The following AR variants were observed in gnomAD, a reference collection of about 807,000 sequenced individuals.
The protein encoded by AR is dihydrotestosterone receptor.
A neutral mutation model predicts 53.9 loss-of-function variants in AR; 8 were observed. The observed-to-expected ratio is 0.15, with a 90% confidence interval of 0.09 to 0.27. AR has a LOEUF of 0.27. AR is among the 10% of genes least tolerant of loss of function. AR has a pLI of 1.00. For missense variants in AR, 639 were observed against 742.5 expected (o/e 0.86, Z 1.62); for synonymous variants, 359 against 316.4 (o/e 1.13, Z -1.43).
At chrX:67,603,923 T>A (rs1279268995) in intron 1 of AR, among the ~76,000 whole-genome samples, 1 of 110,695 alleles carries the variant, frequency 9.0e-6, no homozygotes, top group Non-Finnish European at 1.9e-5. Flanking sequence ...AGAGATAAAA[T>A]TGGCATGGCA....
At chrX:67,595,645 A>C (rs185091610) in intron 1 of AR, among the ~76,000 whole-genome samples, 1,222 of 31,127 alleles carry the variant, frequency 0.039, 18 homozygotes, top group African/African-American at 0.089. Context: ...TCTTTCCAAA[A>C]ATATACAAAA....
At chrX:67,672,642 T>A (rs187051164) in intron 2 of AR, among the ~76,000 whole-genome samples, 109 of 111,443 alleles carry the variant, frequency 9.8e-4, no homozygotes, top group Non-Finnish European at 1.4e-3. Flanking sequence ...AAACTCTACA[T>A]TTTAACTTCA....
At chrX:67,722,340 G>A (rs751304739) in intron 6 of AR, among the ~76,000 whole-genome samples, 8 of 111,618 alleles carry the variant, frequency 7.2e-5, no homozygotes, top group Non-Finnish European at 1.3e-4. Flanking sequence ...ATTTCCTCCT[G>A]GAAAGATTTC....
chrX:67,633,075 T>C (rs868701013), intron 1 of AR, among the ~76,000 whole-genome samples: 1 of 112,375 alleles, frequency 8.9e-6, no homozygotes, highest in Admixed American at 9.4e-5. Context: ...TGTAAAGTCA[T>C]GCAGCCCTTT....
chrX:67,654,441 G>A (rs1220000218), intron 2 of AR, among the ~76,000 whole-genome samples: 1 of 110,847 alleles, frequency 9.0e-6, no homozygotes, highest in Non-Finnish European at 1.9e-5. Flanking sequence ...ATATAACAAA[G>A]GTCAATCTCT....
chrX:67,685,856 T>A, intron 2 of AR, 154 bp from the exon 3 acceptor site: 1 of 805,341 alleles, frequency 1.2e-6, no homozygotes, highest in Non-Finnish European at 1.7e-6. Context: ...AATATTTAGG[T>A]TCTGTATGAT....
chrX:67,703,979 C>A (rs1311993313), intron 3 of AR, among the ~76,000 whole-genome samples: 1 of 111,864 alleles, frequency 8.9e-6, no homozygotes. Context: ...ATGAACTCAT[C>A]ATTTTTTATG....
chrX:67,620,816 G>A (rs1924337148), intron 1 of AR, among the ~76,000 whole-genome samples: 1 of 111,600 alleles, frequency 9.0e-6, no homozygotes, highest in Non-Finnish European at 1.9e-5. Context: ...TATGATAGGG[G>A]ATAAGGATAT....
chrX:67,690,113 G>A (rs2075987712), intron 3 of AR, among the ~76,000 whole-genome samples: 1 of 111,739 alleles, frequency 8.9e-6, no homozygotes. Context: ...GAAATTTCAG[G>A]TAGCAGCCAA....
At chrX:67,713,542 C>G (rs958713621) in intron 4 of AR, among the ~76,000 whole-genome samples, 1 of 111,505 alleles carries the variant, frequency 9.0e-6, no homozygotes, top group African/African-American at 3.3e-5. Flanking sequence ...TATATATGAT[C>G]CCACTTAATC....
At chrX:67,632,506 G>C (rs4281240) in intron 1 of AR, among the ~76,000 whole-genome samples, 6,490 of 111,910 alleles carry the variant, frequency 0.058, 475 homozygotes, top group African/African-American at 0.2. Flanking sequence ...GCTCACACAC[G>C]GTGCGCTGCA....
At chrX:67,643,093 A>G (rs1925870731) in intron 1 of AR, among the ~76,000 whole-genome samples, 163 bp from the exon 2 acceptor site, 1 of 112,199 alleles carries the variant, frequency 8.9e-6, no homozygotes, top group Non-Finnish European at 1.9e-5. Context: ...TACAACCATC[A>G]TCTTTAGGAG....
chrX:67,661,490 G>C (rs1361023946), intron 2 of AR, among the ~76,000 whole-genome samples: 1 of 111,513 alleles, frequency 9.0e-6, no homozygotes, highest in Non-Finnish European at 1.9e-5. Flanking sequence ...TTTTGTCGTT[G>C]GTTCTGTTTA....
chrX:67,694,919 A>G (rs2076012961), intron 3 of AR: 1 of 1,043,363 alleles, frequency 9.6e-7, no homozygotes, highest in Admixed American at 4.1e-5. Flanking sequence ...CCTCACAGGG[A>G]TGTTGTGAGG....
At chrX:67,653,934 T>TA (rs776637706) in intron 2 of AR, among the ~76,000 whole-genome samples, 130 of 111,354 alleles carry the variant, frequency 1.2e-3, no homozygotes, top group Middle Eastern at 4.6e-3. Flanking sequence ...TAAAGTATAA[T>TA]AAAAAAATTA....
At chrX:67,627,748 T>A (rs1335955894) in intron 1 of AR, among the ~76,000 whole-genome samples, 1 of 111,822 alleles carries the variant, frequency 8.9e-6, no homozygotes, top group African/African-American at 3.3e-5. Context: ...TAGGTTTTCT[T>A]CTAGGGTTTT....
At chrX:67,695,009 C>T (rs906983005) in intron 3 of AR, 172 of 890,713 alleles carry the variant, frequency 1.9e-4, no homozygotes, top group Non-Finnish European at 2.3e-4. Context: ...TGTGGCTTGG[C>T]ATTGGCAAAG....
At chrX:67,628,848 C>G (rs1036817651) in intron 1 of AR, among the ~76,000 whole-genome samples, 3 of 111,235 alleles carry the variant, frequency 2.7e-5, no homozygotes, top group South Asian at 3.7e-4. Context: ...TAGCATGAAG[C>G]GTTATTGAAT....
chrX:67,688,358 A>G (rs944918895), intron 3 of AR, among the ~76,000 whole-genome samples: 1 of 111,784 alleles, frequency 8.9e-6, no homozygotes, highest in Non-Finnish European at 1.9e-5. Flanking sequence ...TCTGATTTAG[A>G]AATACCATCC....
Sources: gnomAD v4.1 joint callset for allele counts (sites outside exome capture counted in the v4.1 genomes callset) on GRCh38, gnomAD v4.1.1 for gene constraint, MANE v1.5 for transcripts, NCBI Gene and HGNC (gene_info 2026-07-23, HGNC 2026-07-21) for gene names.